INSL6: variants seen among roughly 807,000 people sequenced by gnomAD.
INSL6 encodes insulin like 6.
A neutral mutation model predicts 9.4 loss-of-function variants in INSL6; 16 were observed. The observed-to-expected ratio is 1.70, with a 90% confidence interval of 1.15 to 2.59. The LOEUF is 2.59. INSL6 is among the 30% of genes most tolerant of loss of function. The pLI is 0.00. For missense variants in INSL6, 391 were observed against 257.3 expected, an observed-to-expected ratio of 1.52 and a Z score of -3.56; for synonymous variants, 154 against 96.9, an observed-to-expected ratio of 1.59 and a Z score of -3.46.
the INSL6 span, among the ~76,000 whole-genome samples, chr9:5,022,379 A>G: frequency 9.2e-5 from 14 of 152,242 alleles, no homozygotes; most frequent in African/African-American, 1.7e-4. Flanking sequence ...CTGGAGTACA[A>G]TTTATGGTGA....
intron 1 of INSL6, among the ~76,000 whole-genome samples, chr9:5,172,630 C>T (rs1049731040): frequency 7.2e-5 from 11 of 151,932 alleles, no homozygotes; most frequent in East Asian, 3.9e-4. Context: ...ACAAACAATC[C>T]GCTTAAAGAG....
At chr9:5,036,343 A>C in the INSL6 span, among the ~76,000 whole-genome samples, 46 of 152,304 alleles carry the variant, frequency 3.0e-4, no homozygotes, top group African/African-American at 1.0e-3. Context: ...ATCAAGCTAC[A>C]GATGACTTTC....
At chr9:5,184,364 T>A (rs1462641347) in intron 1 of INSL6, among the ~76,000 whole-genome samples, 1 of 152,224 alleles carries the variant, frequency 6.6e-6, no homozygotes, top group African/African-American at 2.4e-5. Flanking sequence ...AAAGTGCAAT[T>A]TCTTTTAAAA....
chr9:5,077,920 G>C, the INSL6 span, among the ~76,000 whole-genome samples: 1 of 152,084 alleles, frequency 6.6e-6, no homozygotes, highest in Admixed American at 6.6e-5. Flanking sequence ...ATGAGAAAGC[G>C]GTGTTGACAG....
chr9:5,156,541 T>C (rs1423713424), intron 2 of INSL6, among the ~76,000 whole-genome samples: 1 of 152,080 alleles, frequency 6.6e-6, no homozygotes, highest in Non-Finnish European at 1.5e-5. Context: ...CTACTCATGA[T>C]TAAAAAAAAA....
chr9:5,164,401 T>C, intron 1 of INSL6, 136 bp from the exon 2 acceptor site: 1 of 629,066 alleles, frequency 1.6e-6, no homozygotes, highest in East Asian at 2.8e-5. Flanking sequence ...GAAAGTATGG[T>C]TATTCAAAAG....
the INSL6 span, among the ~76,000 whole-genome samples, chr9:5,044,244 C>A: frequency 6.6e-6 from 1 of 152,186 alleles, no homozygotes; most frequent in African/African-American, 2.4e-5. Context: ...TTAGTGTTAT[C>A]CACATATCCT....
chr9:5,001,774 C>A, the INSL6 span, among the ~76,000 whole-genome samples: 1 of 152,024 alleles, frequency 6.6e-6, no homozygotes, highest in Non-Finnish European at 1.5e-5. Context: ...AAATAGTTGA[C>A]AGACTTTCCC....
the INSL6 span, among the ~76,000 whole-genome samples, chr9:5,020,479 C>A: frequency 6.6e-6 from 1 of 152,054 alleles, no homozygotes; most frequent in Non-Finnish European, 1.5e-5. Context: ...GTGGAATGTT[C>A]AGGTGGGGGC....
chr9:5,003,609 T>C, the INSL6 span, among the ~76,000 whole-genome samples: 65 of 152,200 alleles, frequency 4.3e-4, no homozygotes, highest in African/African-American at 1.4e-3. Context: ...GATTGGTAGA[T>C]TCTTTTAAAT....
At chr9:5,079,222 A>G in the INSL6 span, among the ~76,000 whole-genome samples, 1 of 152,204 alleles carries the variant, frequency 6.6e-6, no homozygotes, top group Non-Finnish European at 1.5e-5. Flanking sequence ...ATCCTTTGGA[A>G]TCGGAAGTGA....
chr9:5,047,876 C>T, the INSL6 span, among the ~76,000 whole-genome samples: 3 of 152,104 alleles, frequency 2.0e-5, no homozygotes, highest in East Asian at 1.9e-4. Flanking sequence ...GCTGGGAGTA[C>T]GAGTGTGAGC....
chr9:5,135,122 C>G (rs767125436), intron 2 of INSL6, among the ~76,000 whole-genome samples: 4 of 152,100 alleles, frequency 2.6e-5, no homozygotes, highest in Non-Finnish European at 5.9e-5. Context: ...ATCAATGCAA[C>G]AAGAAGAGCT....
chr9:5,114,259 T>C, the INSL6 span: 3 of 542,102 alleles, frequency 5.5e-6, no homozygotes, highest in South Asian at 4.8e-5. Flanking sequence ...ACCTGTCTGG[T>C]GGTGGACCTG....
the INSL6 span, chr9:5,041,785 T>C: frequency 8.2e-6 from 4 of 487,226 alleles, no homozygotes; most frequent in Non-Finnish European, 1.6e-5. Context: ...CAGCCTCAGC[T>C]TCGGGACAAA....
chr9:5,065,148 A>G, the INSL6 span: 1 of 653,976 alleles, frequency 1.5e-6, no homozygotes, highest in Non-Finnish European at 2.3e-6. Context: ...TAATTTGACA[A>G]GTTTTTTTTA....
intron 2 of INSL6, among the ~76,000 whole-genome samples, chr9:5,158,708 C>G (rs1824865336): frequency 1.3e-5 from 2 of 152,000 alleles, no homozygotes; most frequent in African/African-American, 4.8e-5. Flanking sequence ...AGAAAAAATG[C>G]TGAGGAGCTG....
chr9:5,102,683 A>G, the INSL6 span, among the ~76,000 whole-genome samples: 2 of 152,242 alleles, frequency 1.3e-5, no homozygotes, highest in African/African-American at 4.8e-5. Flanking sequence ...CATCAGACTA[A>G]CAGCGGATCT....
At chr9:5,002,442 G>T in the INSL6 span, among the ~76,000 whole-genome samples, 1 of 151,912 alleles carries the variant, frequency 6.6e-6, no homozygotes, top group African/African-American at 2.4e-5. Flanking sequence ...AGATTTTCTA[G>T]ATAGTTTTTT....
Sources: allele counts gnomAD v4.1 joint callset (sites outside exome capture counted in the v4.1 genomes callset), GRCh38; gene constraint gnomAD v4.1.1; transcripts MANE v1.5; gene names NCBI Gene and HGNC (gene_info 2026-07-23, HGNC 2026-07-21).